CTDSPL2: variants seen among roughly 807,000 people sequenced by gnomAD.
The protein encoded by CTDSPL2 is CTD small phosphatase like 2, also known as CTD small phosphatase-like protein 2.
In CTDSPL2, 5 loss-of-function variants were observed where a neutral mutation model predicts 60.0. The ratio of observed to expected loss-of-function variants is 0.08; its 90% CI spans 0.04 to 0.18. CTDSPL2 has a LOEUF of 0.18. CTDSPL2 is among the 10% of genes least tolerant of loss of function. The pLI is 1.00. For missense variants in CTDSPL2, 370 were observed against 548.8 expected, an observed-to-expected ratio of 0.67 and a Z score of 3.26; for synonymous variants, 186 against 189.3, an observed-to-expected ratio of 0.98 and a Z score of 0.14.
intron 1 of CTDSPL2, among the ~76,000 whole-genome samples, chr15:44,439,431 T>G (rs2141274260): frequency 6.6e-6 from 1 of 152,192 alleles, no homozygotes; most frequent in East Asian, 1.9e-4. Flanking sequence ...AGTGCTGGGA[T>G]TACAGGCTTG....
chr15:44,522,519 G>C (rs1279420547), intron 12 of CTDSPL2, among the ~76,000 whole-genome samples: 2 of 152,086 alleles, frequency 1.3e-5, no homozygotes, highest in Non-Finnish European at 2.9e-5. Context: ...TTGGGAGGCC[G>C]AGGCAGGCAG....
chr15:44,449,926 G>C (rs1375748480), intron 1 of CTDSPL2, among the ~76,000 whole-genome samples: 1 of 151,988 alleles, frequency 6.6e-6, no homozygotes. Flanking sequence ...AGGAGGTGGA[G>C]GTTGCAGTGA....
At chr15:44,447,136 T>C (rs1479254516) in intron 1 of CTDSPL2, among the ~76,000 whole-genome samples, 1 of 152,234 alleles carries the variant, frequency 6.6e-6, no homozygotes, top group Non-Finnish European at 1.5e-5. Context: ...TCTCCCCTTA[T>C]ACTTTTTCTT....
At chr15:44,513,652 T>G (rs2081603795) in intron 8 of CTDSPL2, among the ~76,000 whole-genome samples, 1 of 152,244 alleles carries the variant, frequency 6.6e-6, no homozygotes, top group South Asian at 2.1e-4. Flanking sequence ...GTGTTTGGTT[T>G]GTTTTTAATC....
intron 2 of CTDSPL2, among the ~76,000 whole-genome samples, chr15:44,479,969 A>G (rs2080995703): frequency 2.6e-5 from 4 of 152,070 alleles, no homozygotes; most frequent in Non-Finnish European, 5.9e-5. Flanking sequence ...GTTTTTAAAT[A>G]TTGGTGATGC....
At chr15:44,474,920 G>A (rs1226351505) in intron 2 of CTDSPL2, among the ~76,000 whole-genome samples, 1 of 152,036 alleles carries the variant, frequency 6.6e-6, no homozygotes, top group Non-Finnish European at 1.5e-5. Context: ...TATATACACC[G>A]TTGCTCTTGC....
intron 12 of CTDSPL2, 57 bp downstream of exon 12, chr15:44,521,463 A>G (rs2081766497): frequency 8.9e-6 from 8 of 902,026 alleles, no homozygotes; most frequent in Admixed American, 2.3e-5. Context: ...ATATTGAAAT[A>G]AATATTTTTA....
At chr15:44,506,881 C>G (rs1291138761) in intron 8 of CTDSPL2, among the ~76,000 whole-genome samples, 1 of 151,956 alleles carries the variant, frequency 6.6e-6, no homozygotes, top group African/African-American at 2.4e-5. Context: ...ATTCTCCTGC[C>G]TCAGCCTCCC....
intron 1 of CTDSPL2, among the ~76,000 whole-genome samples, chr15:44,429,899 A>G (rs1310387679): frequency 6.6e-6 from 1 of 152,206 alleles, no homozygotes; most frequent in African/African-American, 2.4e-5. Context: ...TAAATGATGT[A>G]GTCCTTAACC....
At position 44,429,004 on chromosome 15, in the gene CTDSPL2, C is replaced by T. The variant is rs370751217; in HGVS notation, c.-25+1232C>T. Among the ~76,000 whole-genome samples the T allele has an allele frequency of 7.2e-5, 11 of 152,082 alleles. No individual in the cohort carries two copies. The East Asian group carries it at 1.3e-3, about 19-fold the overall frequency. ...ATCTTTGTAGGTTTTTTTGTTTTCA[C>T]TAATCAAATTAAAATTTTAAAAACT... On this transcript the variant is annotated intron_variant, in intron 1 of 12. Coordinates refer to ENST00000260327, the MANE Select transcript of CTDSPL2 (RefSeq NM_016396.3).
At chr15:44,449,402 C>A (rs11853466) in intron 1 of CTDSPL2, 6,659 of 152,754 alleles carry the variant, frequency 0.044, 189 homozygotes, top group Non-Finnish European at 0.066. Flanking sequence ...CTCACTGCAA[C>A]TTTTGCCTCC....
At chr15:44,486,750 T>A in intron 4 of CTDSPL2, 50 bp downstream of exon 4, 2 of 1,262,084 alleles carry the variant, frequency 1.6e-6, no homozygotes, top group Non-Finnish European at 2.2e-6. Context: ...AAAAAATGCA[T>A]AGTTTGGGTT....
intron 1 of CTDSPL2, among the ~76,000 whole-genome samples, chr15:44,433,732 A>G (rs117403460): frequency 0.1 from 15,490 of 149,658 alleles, 1,647 homozygotes; most frequent in African/African-American, 0.26. Flanking sequence ...GTGCAGTGGC[A>G]TGAGTTGAGG....
chr15:44,449,312 C>G (rs570459085), intron 1 of CTDSPL2: 28 of 179,124 alleles, frequency 1.6e-4, no homozygotes, highest in Admixed American at 3.6e-4. Flanking sequence ...TTTCTTCCAT[C>G]TTGAATTCAA....
intron 4 of CTDSPL2, among the ~76,000 whole-genome samples, chr15:44,488,024 C>T (rs2081150648): frequency 6.6e-6 from 1 of 150,910 alleles, no homozygotes; most frequent in Admixed American, 6.6e-5. Context: ...GCAGGAGAAT[C>T]ACTTGAACCC....
intron 1 of CTDSPL2, among the ~76,000 whole-genome samples, chr15:44,430,746 A>G (rs2079840338): frequency 6.6e-6 from 1 of 152,026 alleles, no homozygotes; most frequent in African/African-American, 2.4e-5. Flanking sequence ...GCTCTAAGTA[A>G]TTTTTCTGGT....
chr15:44,433,642 C>A (rs1229111763), intron 1 of CTDSPL2, among the ~76,000 whole-genome samples: 2 of 151,924 alleles, frequency 1.3e-5, no homozygotes, highest in Admixed American at 6.6e-5. Flanking sequence ...GCCACCACGC[C>A]TGGCTAATTT....
intron 8 of CTDSPL2, among the ~76,000 whole-genome samples, chr15:44,504,637 G>A (rs1307778762): frequency 6.6e-6 from 1 of 151,974 alleles, no homozygotes; most frequent in Non-Finnish European, 1.5e-5. Flanking sequence ...GGGAGGCTGA[G>A]GTGAGAGGAA....
At chr15:44,428,937 C>T (rs2079801765) in intron 1 of CTDSPL2, among the ~76,000 whole-genome samples, 1 of 151,980 alleles carries the variant, frequency 6.6e-6, no homozygotes, top group Non-Finnish European at 1.5e-5. Context: ...AATAAGGAGG[C>T]TGTTGGTGTT....
Sources: gnomAD v4.1 joint callset for allele counts (sites outside exome capture counted in the v4.1 genomes callset) on GRCh38, gnomAD v4.1.1 for gene constraint, MANE v1.5 for transcripts, NCBI Gene and HGNC (gene_info 2026-07-23, HGNC 2026-07-21) for gene names.